KIAA1217: variants seen among roughly 807,000 people sequenced by gnomAD.
KIAA1217 encodes KIAA1217.
A neutral mutation model predicts 163.9 loss-of-function variants in KIAA1217; 88 were observed. That is an observed-to-expected ratio of 0.54 (90% CI 0.45 to 0.64). The LOEUF is 0.64. KIAA1217 is among the 30% of genes least tolerant of loss of function. KIAA1217 has a pLI of 0.00. For synonymous variants in KIAA1217, 903 were observed against 923.1 expected (o/e 0.98, Z 0.39); for missense variants, 2,372 against 2,475.0 (o/e 0.96, Z 0.88).
chr10:24,451,518 C>G (rs1227988947), intron 5 of KIAA1217, among the ~76,000 whole-genome samples: 1 of 152,250 alleles, frequency 6.6e-6, no homozygotes, highest in Non-Finnish European at 1.5e-5. Flanking sequence ...CTGCTAACAG[C>G]ATCAACAGGG....
At chr10:23,894,690 C>T (rs1243735388) in intron 1 of KIAA1217, among the ~76,000 whole-genome samples, 10 of 146,936 alleles carry the variant, frequency 6.8e-5, no homozygotes, top group Non-Finnish European at 1.1e-4. Context: ...CAAGTCAATC[C>T]GAAGCCAAAA....
intron 2 of KIAA1217, among the ~76,000 whole-genome samples, chr10:24,052,261 G>T (rs533822297): frequency 7.9e-5 from 12 of 152,208 alleles, no homozygotes; most frequent in African/African-American, 2.9e-4. Flanking sequence ...ATGTTTATAA[G>T]ACACAGGTTT....
intron 1 of KIAA1217, among the ~76,000 whole-genome samples, chr10:24,004,879 A>T (rs776955424): frequency 6.6e-6 from 1 of 152,220 alleles, no homozygotes; most frequent in African/African-American, 2.4e-5. Context: ...GTGGGAAGGA[A>T]GGGCTGTAAG....
chr10:24,522,275 G>T (rs2071408066), intron 12 of KIAA1217, among the ~76,000 whole-genome samples: 1 of 152,098 alleles, frequency 6.6e-6, no homozygotes, highest in Non-Finnish European at 1.5e-5. Context: ...AGTGAGCTAT[G>T]ACTGAGCCAC....
chr10:24,017,469 C>T (rs1277380467), intron 2 of KIAA1217, among the ~76,000 whole-genome samples: 3 of 151,950 alleles, frequency 2.0e-5, no homozygotes, highest in Non-Finnish European at 4.4e-5. Flanking sequence ...CAGATGCCAA[C>T]CTTAATTAAG....
chr10:23,734,751 A>G (rs1315972558), intron 1 of KIAA1217, among the ~76,000 whole-genome samples: 6 of 152,234 alleles, frequency 3.9e-5, no homozygotes, highest in Middle Eastern at 3.4e-3. Context: ...CTGCATTTAG[A>G]TATGGCTTAT....
intron 1 of KIAA1217, among the ~76,000 whole-genome samples, chr10:23,777,860 G>T (rs1236623570): frequency 6.6e-6 from 1 of 152,198 alleles, no homozygotes; most frequent in African/African-American, 2.4e-5. Flanking sequence ...GGGTGGAAAG[G>T]AAGTCAAGTC....
At chr10:24,258,589 T>C (rs1293656083) in intron 2 of KIAA1217, among the ~76,000 whole-genome samples, 2 of 149,898 alleles carry the variant, frequency 1.3e-5, no homozygotes, top group African/African-American at 5.0e-5. Flanking sequence ...CTTACTTCTT[T>C]TTTTTTTTTT....
chr10:23,721,487 T>A (rs997145991), intron 1 of KIAA1217, among the ~76,000 whole-genome samples: 47 of 152,198 alleles, frequency 3.1e-4, no homozygotes, highest in East Asian at 1.9e-4. Context: ...TTCCTTTTTT[T>A]AAAAAATCAT....
chr10:24,424,896 C>A (rs1391076900), intron 3 of KIAA1217, among the ~76,000 whole-genome samples: 1 of 152,120 alleles, frequency 6.6e-6, no homozygotes, highest in Non-Finnish European at 1.5e-5. Context: ...CCACCGCGCC[C>A]GGCCTCTTTT....
intron 1 of KIAA1217, among the ~76,000 whole-genome samples, chr10:24,215,705 G>A (rs1325828882): frequency 2.0e-5 from 3 of 152,208 alleles, no homozygotes; most frequent in African/African-American, 7.2e-5. Flanking sequence ...GGGGCTTGAC[G>A]CTTCCAAGAG....
At chr10:23,936,075 G>C (rs971849910) in intron 1 of KIAA1217, among the ~76,000 whole-genome samples, 6 of 152,210 alleles carry the variant, frequency 3.9e-5, no homozygotes, top group African/African-American at 1.4e-4. Context: ...AATACAGCAG[G>C]CAGCCTGAGG....
At chr10:24,088,086 T>C (rs2061767799) in intron 2 of KIAA1217, among the ~76,000 whole-genome samples, 1 of 123,214 alleles carries the variant, frequency 8.1e-6, no homozygotes, top group African/African-American at 2.5e-5. Context: ...TACAACTATA[T>C]TGCATACAGT....
At chr10:24,179,771 G>A (rs558826040) in intron 2 of KIAA1217, among the ~76,000 whole-genome samples, 3 of 152,090 alleles carry the variant, frequency 2.0e-5, no homozygotes, top group African/African-American at 7.2e-5. Flanking sequence ...TGTATTTTTA[G>A]TGGATGAGGT....
chr10:24,402,516 C>CAAAAAAAAAAAAAAAAAAAAA (rs372012492), intron 3 of KIAA1217, among the ~76,000 whole-genome samples: 4 of 92,992 alleles, frequency 4.3e-5, no homozygotes, highest in South Asian at 3.8e-4. Context: ...CTCAAAAAAA[C>CAAAAAAAAAAAAAAAAAAAAA]AAAAAACAAA....
chr10:23,713,358 T>C (rs1837379922), intron 1 of KIAA1217, among the ~76,000 whole-genome samples: 1 of 152,160 alleles, frequency 6.6e-6, no homozygotes, highest in South Asian at 2.1e-4. Context: ...TACTAATCAT[T>C]TCAGTTTTAT....
intron 3 of KIAA1217, among the ~76,000 whole-genome samples, chr10:24,404,566 C>CAAAAA (rs57209065): frequency 1.2e-4 from 6 of 51,176 alleles, no homozygotes; most frequent in African/African-American, 2.0e-4. Flanking sequence ...GACTCTGTCT[C>CAAAAA]AAAAAAAAAA....
chr10:23,761,834 G>A (rs1197394766), intron 1 of KIAA1217, among the ~76,000 whole-genome samples: 1 of 150,740 alleles, frequency 6.6e-6, no homozygotes, highest in Non-Finnish European at 1.5e-5. Flanking sequence ...GTTTTTTTTT[G>A]TTAAATTAAC....
At chr10:24,459,168 C>T (rs1262444782) in intron 5 of KIAA1217, among the ~76,000 whole-genome samples, 2 of 152,176 alleles carry the variant, frequency 1.3e-5, no homozygotes, top group African/African-American at 4.8e-5. Flanking sequence ...GCCATTCCCC[C>T]AGGGCACCTG....
Sources: gnomAD v4.1 joint callset for allele counts (sites outside exome capture counted in the v4.1 genomes callset) on GRCh38, gnomAD v4.1.1 for gene constraint, MANE v1.5 for transcripts, NCBI Gene and HGNC (gene_info 2026-07-23, HGNC 2026-07-21) for gene names.